Variants in JARID2 observed in about 807,000 individuals in gnomAD.
The protein encoded by JARID2 is jumonji and AT-rich interaction domain containing 2, also known as protein Jumonji.
Under a neutral mutation model 125.6 loss-of-function variants are expected in JARID2, and 21 were observed. The ratio of observed to expected loss-of-function variants is 0.17; its 90% CI spans 0.12 to 0.24. The LOEUF (loss-of-function observed/expected upper bound fraction) is 0.24, where lower values mean the gene tolerates loss of function less well. Among genes scored for constraint, JARID2 ranks in the 10% least tolerant of loss-of-function variants. The pLI is 1.00. For missense variants in JARID2, 1,303 were observed against 1,639.6 expected, an observed-to-expected ratio of 0.79 and a Z score of 3.55; for synonymous variants, 736 against 661.6, an observed-to-expected ratio of 1.11 and a Z score of -1.73.
chr6:15,367,626 ACT>A (rs1162303042), intron 1 of JARID2, among the ~76,000 whole-genome samples: 2 of 152,056 alleles, frequency 1.3e-5, no homozygotes, highest in Non-Finnish European at 2.9e-5. Flanking sequence ...TTGCGTCAAG[ACT>A]CTGGAATTCA....
At chr6:15,476,462 T>C (rs1297221594) in intron 5 of JARID2, among the ~76,000 whole-genome samples, 1 of 152,242 alleles carries the variant, frequency 6.6e-6, no homozygotes, top group African/African-American at 2.4e-5. Flanking sequence ...GCAGGAGTCC[T>C]GATGCCAGTA....
At chr6:15,280,595 C>T (rs967601167) in intron 1 of JARID2, among the ~76,000 whole-genome samples, 11 of 149,834 alleles carry the variant, frequency 7.3e-5, no homozygotes, top group African/African-American at 2.7e-4. Context: ...CCACAAAATG[C>T]TAAGTAAAGG....
chr6:15,323,226 C>T (rs1008102623), intron 1 of JARID2, among the ~76,000 whole-genome samples: 1 of 152,248 alleles, frequency 6.6e-6, no homozygotes, highest in African/African-American at 2.4e-5. Flanking sequence ...TGCATTTCTC[C>T]CTGATTGCCT....
chr6:15,518,719 T>C (rs186685305), intron 17 of JARID2, among the ~76,000 whole-genome samples: 28 of 152,298 alleles, frequency 1.8e-4, no homozygotes, highest in African/African-American at 5.5e-4. Context: ...TGACCTCAGG[T>C]GATCAGCTTG....
intron 9 of JARID2, among the ~76,000 whole-genome samples, chr6:15,504,863 C>T (rs947349652): frequency 1.8e-4 from 28 of 152,302 alleles, no homozygotes; most frequent in African/African-American, 6.0e-4. Context: ...CCCTGCTCCC[C>T]GTCACTGTCT....
At chr6:15,423,999 C>T (rs568135208) in intron 3 of JARID2, among the ~76,000 whole-genome samples, 64 of 152,166 alleles carry the variant, frequency 4.2e-4, no homozygotes, top group Non-Finnish European at 7.9e-4. Context: ...CAGGCTTCAT[C>T]CCCTCGTTGG....
At chr6:15,427,515 T>C (rs1005638784) in intron 3 of JARID2, among the ~76,000 whole-genome samples, 4 of 152,136 alleles carry the variant, frequency 2.6e-5, no homozygotes, top group Non-Finnish European at 1.5e-5. Context: ...TAGTATGCTT[T>C]GTGGTTGCCA....
intron 2 of JARID2, among the ~76,000 whole-genome samples, chr6:15,383,763 A>T (rs779412961): frequency 5.9e-5 from 9 of 151,990 alleles, no homozygotes; most frequent in Non-Finnish European, 1.2e-4. Flanking sequence ...CATCTCCTGA[A>T]CACCACCTGC....
At chr6:15,431,699 A>G (rs959614578) in intron 3 of JARID2, among the ~76,000 whole-genome samples, 2 of 152,228 alleles carry the variant, frequency 1.3e-5, no homozygotes, top group African/African-American at 2.4e-5. Context: ...CAATGAAGCA[A>G]TTTAAGCACT....
At chr6:15,295,119 C>CTTT (rs1761361829) in intron 1 of JARID2, among the ~76,000 whole-genome samples, 1 of 137,344 alleles carries the variant, frequency 7.3e-6, no homozygotes, top group Non-Finnish European at 1.6e-5. Flanking sequence ...TTTTTTTTTT[C>CTTT]TTTCTTTTTT....
rs548454461 is a variant in JARID2, at chr6:15,395,327, C to G, written c.182-14897C>G. Among the ~76,000 whole-genome samples, 4 of 152,204 alleles carry G rather than the reference C, an allele frequency of 2.6e-5. No homozygotes were observed. The South Asian group carries it at 8.3e-4, about 32-fold the overall frequency. ...GGGTGGTGGGGGCACGGAGTTTTTG[C>G]TCTTGTCGCCCAGGCTGGAGTGCAG... On this transcript the variant is annotated intron_variant, in intron 2 of 17. Transcript: ENST00000341776.
At chr6:15,430,126 C>T (rs1766907700) in intron 3 of JARID2, among the ~76,000 whole-genome samples, 1 of 152,202 alleles carries the variant, frequency 6.6e-6, no homozygotes, top group African/African-American at 2.4e-5. Context: ...AAACATTTAA[C>T]CTCTGCATCT....
intron 6 of JARID2, among the ~76,000 whole-genome samples, chr6:15,492,792 G>A (rs1316572293): frequency 6.6e-6 from 1 of 152,166 alleles, no homozygotes; most frequent in Non-Finnish European, 1.5e-5. Flanking sequence ...TTCAGTCTTC[G>A]TAATTGTTTG....
At chr6:15,317,325 T>G (rs1328208439) in intron 1 of JARID2, among the ~76,000 whole-genome samples, 1 of 152,190 alleles carries the variant, frequency 6.6e-6, no homozygotes, top group African/African-American at 2.4e-5. Flanking sequence ...TCATTTAGGA[T>G]AATAGTTTGA....
At chr6:15,429,792 G>A (rs1468997084) in intron 3 of JARID2, among the ~76,000 whole-genome samples, 2 of 152,286 alleles carry the variant, frequency 1.3e-5, no homozygotes, top group African/African-American at 4.8e-5. Flanking sequence ...CCCTGCGAGA[G>A]AGAGAAATGT....
intron 3 of JARID2, among the ~76,000 whole-genome samples, chr6:15,414,253 A>T (rs191544640): frequency 6.6e-6 from 1 of 152,318 alleles, no homozygotes; most frequent in East Asian, 1.9e-4. Context: ...TCCAACCTGC[A>T]CGTTGAAGCA....
At chr6:15,292,766 T>G (rs1036657195) in intron 1 of JARID2, among the ~76,000 whole-genome samples, 1 of 152,220 alleles carries the variant, frequency 6.6e-6, no homozygotes, top group Non-Finnish European at 1.5e-5. Context: ...TTCCCGGGGT[T>G]AAGTGATCGT....
At chr6:15,415,836 C>CCCCACCTCCCT (rs1270535557) in intron 3 of JARID2, among the ~76,000 whole-genome samples, 1 of 141,810 alleles carries the variant, frequency 7.1e-6, no homozygotes, top group Admixed American at 7.0e-5. Flanking sequence ...CCCCCCACCT[C>CCCCACCTCCCT]CCTCCCGGAC....
chr6:15,346,456 C>T (rs906294885), intron 1 of JARID2, among the ~76,000 whole-genome samples: 3 of 152,186 alleles, frequency 2.0e-5, no homozygotes, highest in Admixed American at 6.5e-5. Flanking sequence ...GCTTGGCTTT[C>T]TCAGATTCTG....
Sources: allele counts gnomAD v4.1 joint callset (sites outside exome capture counted in the v4.1 genomes callset), GRCh38; gene constraint gnomAD v4.1.1; transcripts MANE v1.5; gene names NCBI Gene and HGNC (gene_info 2026-07-23, HGNC 2026-07-21).